DSE: variants seen among roughly 807,000 people sequenced by gnomAD.
DSE encodes dermatan sulfate epimerase, also known as dermatan-sulfate epimerase.
A neutral mutation model predicts 84.4 loss-of-function variants in DSE; 36 were observed. That is an observed-to-expected ratio of 0.43 (90% CI 0.33 to 0.56). The LOEUF is 0.56. DSE is among the 20% of genes least tolerant of loss of function. The pLI, the probability that DSE is intolerant of heterozygous loss-of-function variation, is 0.06. For missense variants in DSE, 862 were observed against 1,169.6 expected, an observed-to-expected ratio of 0.74 and a Z score of 3.84; for synonymous variants, 410 against 430.1, an observed-to-expected ratio of 0.95 and a Z score of 0.58.
chr6:116,333,984 C>T (rs1318388703), intron 2 of DSE, among the ~76,000 whole-genome samples: 1 of 152,086 alleles, frequency 6.6e-6, no homozygotes, highest in African/African-American at 2.4e-5. Flanking sequence ...AAACAACCCT[C>T]CAAAATATTG....
chr6:116,279,657 C>T, intron 2 of DSE: 1 of 1,606,374 alleles, frequency 6.2e-7, no homozygotes, highest in Non-Finnish European at 8.5e-7. Flanking sequence ...GAGGCGGGAG[C>T]GCGACGGTCT....
At chr6:116,265,098 G>C (rs1772568744) in intron 2 of DSE, among the ~76,000 whole-genome samples, 1 of 152,178 alleles carries the variant, frequency 6.6e-6, no homozygotes, top group African/African-American at 2.4e-5. Context: ...AGTGCTAGCA[G>C]GTGCCATGCT....
Position 116,441,575 on chromosome 6 carries a change from AGG to A in DSE, c.*4231_*4232del, listed in dbSNP as rs1284599572. 6.6e-6 allele frequency: 1 copy of A among 152,216 alleles called. No homozygotes were observed. Among genetic ancestry groups the A allele is most frequent in the African/African-American group, 2.4e-5 (1 of 41,450 alleles). 9.4% of individuals were successfully genotyped at this position (152,216 alleles called of 1,614,324 possible). A position where few individuals can be genotyped will look rare whatever the true frequency, so the allele number is the denominator to read the frequency against. On this transcript the variant is annotated 3_prime_UTR_variant, in exon 6 of 6. Transcript: ENST00000644252. Reference sequence around the variant, plus strand: ...TTCTTTATACTTATTGGAAGATAATAGGTGCTATGGAAGGAAAAGTCAGGGTA... The same window carrying A: ...TTCTTTATACTTATTGGAAGATAATATGCTATGGAAGGAAAAGTCAGGGTA...
intron 2 of DSE, among the ~76,000 whole-genome samples, chr6:116,327,055 C>G (rs1041747133): frequency 6.6e-6 from 1 of 152,024 alleles, no homozygotes; most frequent in African/African-American, 2.4e-5. Flanking sequence ...CTAACTCGAG[C>G]GGAAATGGAT....
intron 2 of DSE, among the ~76,000 whole-genome samples, chr6:116,364,056 T>C (rs1779042307): frequency 6.6e-6 from 1 of 152,112 alleles, no homozygotes; most frequent in African/African-American, 2.4e-5. Flanking sequence ...CCATCTATGT[T>C]AACCTTGGTT....
At chr6:116,289,209 A>G (rs949257405) in intron 2 of DSE, among the ~76,000 whole-genome samples, 5 of 152,018 alleles carry the variant, frequency 3.3e-5, no homozygotes, top group Admixed American at 1.3e-4. Context: ...ACAAACCCCT[A>G]CTGTATTTTT....
chr6:116,279,652 G>A (rs760835192), intron 2 of DSE: 4 of 1,606,256 alleles, frequency 2.5e-6, no homozygotes, highest in East Asian at 2.2e-5. Flanking sequence ...CGGTGGAGGC[G>A]GGAGCGCGAC....
At chr6:116,279,202 A>C in intron 2 of DSE, 1 of 1,610,338 alleles carries the variant, frequency 6.2e-7, no homozygotes, top group Non-Finnish European at 8.5e-7. Context: ...CTCCTCCTCC[A>C]ATCTATCCTC....
intron 2 of DSE, among the ~76,000 whole-genome samples, chr6:116,422,192 C>T (rs76577518): frequency 0.014 from 2,103 of 152,306 alleles, 23 homozygotes; most frequent in Non-Finnish European, 0.023. Flanking sequence ...AATGTTGACA[C>T]ATTTAATTAT....
At chr6:116,392,618 C>A (rs1417327776) in intron 1 of DSE, among the ~76,000 whole-genome samples, 1 of 152,102 alleles carries the variant, frequency 6.6e-6, no homozygotes, top group Non-Finnish European at 1.5e-5. Flanking sequence ...TTTAATGATA[C>A]CCCCAAGGAC....
intron 2 of DSE, among the ~76,000 whole-genome samples, chr6:116,421,829 T>G (rs1352661472): frequency 2.6e-5 from 4 of 152,168 alleles, no homozygotes; most frequent in Non-Finnish European, 4.4e-5. Context: ...ATCTTATGTG[T>G]CTGCTTCTGC....
chr6:116,394,377 T>C (rs1781107548), intron 1 of DSE, among the ~76,000 whole-genome samples: 1 of 152,168 alleles, frequency 6.6e-6, no homozygotes, highest in Non-Finnish European at 1.5e-5. Flanking sequence ...CTTGGACTGC[T>C]GAATATATAC....
At chr6:116,343,604 T>A (rs2114827501) in intron 2 of DSE, among the ~76,000 whole-genome samples, 1 of 152,216 alleles carries the variant, frequency 6.6e-6, no homozygotes, top group Middle Eastern at 3.4e-3. Context: ...GAAGGAAAAC[T>A]AACAAACAGA....
chr6:116,355,258 T>C (rs1041882), intron 2 of DSE, among the ~76,000 whole-genome samples: 130 of 152,334 alleles, frequency 8.5e-4, no homozygotes, highest in African/African-American at 2.9e-3. Context: ...TCTCAAAGTA[T>C]TGTACCAATT....
intron 1 of DSE, among the ~76,000 whole-genome samples, chr6:116,398,299 C>T (rs1424337812): frequency 6.6e-6 from 1 of 151,938 alleles, no homozygotes; most frequent in East Asian, 1.9e-4. Flanking sequence ...TTCTTTTAAC[C>T]AGTGCACAAA....
intron 3 of DSE, 121 bp from the exon 4 acceptor site, chr6:116,430,833 T>C: frequency 7.1e-7 from 1 of 1,405,710 alleles, no homozygotes; most frequent in Non-Finnish European, 9.5e-7. Flanking sequence ...AGTTGGAGTT[T>C]TACAAAACGC....
chr6:116,432,330 TTA>T (rs1421964058), intron 4 of DSE, among the ~76,000 whole-genome samples: 1 of 152,202 alleles, frequency 6.6e-6, no homozygotes, highest in East Asian at 1.9e-4. Context: ...AGAGCAGCAT[TTA>T]TATGTTTGTG....
intron 1 of DSE, among the ~76,000 whole-genome samples, chr6:116,379,151 T>C (rs1032840675): frequency 1.3e-5 from 2 of 152,144 alleles, no homozygotes; most frequent in African/African-American, 2.4e-5. Context: ...GAAATTAAGA[T>C]AGAAGTATCT....
intron 2 of DSE, among the ~76,000 whole-genome samples, chr6:116,326,596 A>G (rs1272884920): frequency 6.6e-6 from 1 of 152,140 alleles, no homozygotes; most frequent in Non-Finnish European, 1.5e-5. Context: ...CCAAATCCTG[A>G]CTCACTACAG....
Sources: gnomAD v4.1 joint callset for allele counts (sites outside exome capture counted in the v4.1 genomes callset) on GRCh38, gnomAD v4.1.1 for gene constraint, MANE v1.5 for transcripts, NCBI Gene and HGNC (gene_info 2026-07-23, HGNC 2026-07-21) for gene names.